PTPRT: variants seen among roughly 807,000 people sequenced by gnomAD.
The protein encoded by PTPRT is receptor-type tyrosine-protein phosphatase T.
In PTPRT, 56 loss-of-function variants were observed where a neutral mutation model predicts 176.8. That is an observed-to-expected ratio of 0.32 (90% CI 0.26 to 0.40). The LOEUF is 0.40. Ranked by LOEUF, PTPRT falls within the 10% of genes least tolerant of loss-of-function variation. The pLI is 1.00. For synonymous variants in PTPRT, 783 were observed against 739.0 expected (o/e 1.06, Z -0.96); for missense variants, 1,540 against 1,908.2 (o/e 0.81, Z 3.60).
At chr20:42,838,178 C>G (rs1057215849) in intron 2 of PTPRT, among the ~76,000 whole-genome samples, 1 of 152,126 alleles carries the variant, frequency 6.6e-6, no homozygotes, top group African/African-American at 2.4e-5. Flanking sequence ...AAGTGCCCAC[C>G]ACCACGCCCT....
At chr20:42,444,106 TC>T (rs2059342079) in intron 9 of PTPRT, among the ~76,000 whole-genome samples, 1 of 152,066 alleles carries the variant, frequency 6.6e-6, no homozygotes. Context: ...ACCCACCCTT[TC>T]CCCCACACAG....
chr20:43,121,470 C>T (rs79364794), intron 1 of PTPRT, among the ~76,000 whole-genome samples: 1,864 of 152,228 alleles, frequency 0.012, 16 homozygotes, highest in East Asian at 0.041. Context: ...TGCTCCACAT[C>T]CTTACCAACA....
intron 2 of PTPRT, among the ~76,000 whole-genome samples, chr20:42,872,828 T>G (rs1166933730): frequency 1.3e-5 from 2 of 152,038 alleles, no homozygotes; most frequent in Non-Finnish European, 2.9e-5. Context: ...CAGAAGTGGG[T>G]GTAGGAAGCC....
intron 2 of PTPRT, among the ~76,000 whole-genome samples, chr20:42,876,468 G>A (rs1192443892): frequency 6.6e-6 from 1 of 152,046 alleles, no homozygotes; most frequent in Admixed American, 6.5e-5. Context: ...GCGAAGGAAG[G>A]GATCATCCCC....
At chr20:43,155,888 C>T (rs763379891) in intron 1 of PTPRT, among the ~76,000 whole-genome samples, 9 of 152,102 alleles carry the variant, frequency 5.9e-5, no homozygotes, top group Non-Finnish European at 8.8e-5. Flanking sequence ...AAATTAGCAG[C>T]CTGAGCCCTC....
intron 15 of PTPRT, among the ~76,000 whole-genome samples, chr20:42,217,304 C>T (rs1362581906): frequency 3.4e-5 from 5 of 147,400 alleles, no homozygotes; most frequent in African/African-American, 1.0e-4. Context: ...ACCTGAGAGG[C>T]GGGGAGGTTG....
chr20:43,182,996 A>C (rs1430204133), intron 1 of PTPRT, among the ~76,000 whole-genome samples: 1 of 152,206 alleles, frequency 6.6e-6, no homozygotes, highest in Non-Finnish European at 1.5e-5. Flanking sequence ...CAAAATATTC[A>C]GGGTAAAAGT....
chr20:43,052,137 T>C (rs1429780253), intron 1 of PTPRT, among the ~76,000 whole-genome samples: 1 of 152,240 alleles, frequency 6.6e-6, no homozygotes, highest in Non-Finnish European at 1.5e-5. Context: ...CCAATGTCCC[T>C]GAAGACAGCC....
At chr20:42,446,180 A>T (rs1000141625) in intron 9 of PTPRT, among the ~76,000 whole-genome samples, 1 of 152,194 alleles carries the variant, frequency 6.6e-6, no homozygotes, top group Non-Finnish European at 1.5e-5. Context: ...TAGTTTCCAA[A>T]TGCAGGTATG....
chr20:42,286,081 T>C (rs937500357), intron 12 of PTPRT, among the ~76,000 whole-genome samples: 1 of 151,824 alleles, frequency 6.6e-6, no homozygotes, highest in East Asian at 1.9e-4. Context: ...TGAAAGAAAT[T>C]GAAGGGAAAC....
chr20:42,516,169 G>A (rs541657927), intron 7 of PTPRT, among the ~76,000 whole-genome samples: 3 of 150,970 alleles, frequency 2.0e-5, no homozygotes, highest in Non-Finnish European at 4.4e-5. Context: ...ACGAGTTAGT[G>A]GGTGCAGCAC....
chr20:42,955,277 T>C (rs1981552685), intron 1 of PTPRT, among the ~76,000 whole-genome samples: 1 of 152,234 alleles, frequency 6.6e-6, no homozygotes, highest in African/African-American at 2.4e-5. Flanking sequence ...TCTAGGTTAC[T>C]GGCCAGTTAG....
intron 2 of PTPRT, among the ~76,000 whole-genome samples, chr20:42,869,216 C>A (rs577871123): frequency 6.6e-6 from 1 of 152,062 alleles, no homozygotes; most frequent in Non-Finnish European, 1.5e-5. Flanking sequence ...GGGCAATGTT[C>A]CATGGAGCCA....
At chr20:42,354,308 G>A (rs1338413643) in intron 9 of PTPRT, among the ~76,000 whole-genome samples, 1 of 152,084 alleles carries the variant, frequency 6.6e-6, no homozygotes, top group Non-Finnish European at 1.5e-5. Context: ...TATGAAACGC[G>A]CTTTTTTGTT....
chr20:43,015,329 C>T (rs552778553), intron 1 of PTPRT, among the ~76,000 whole-genome samples: 4 of 152,198 alleles, frequency 2.6e-5, no homozygotes, highest in Non-Finnish European at 4.4e-5. Flanking sequence ...CCTATCTTTT[C>T]GGCCAAACTT....
At chr20:42,144,607 G>C (rs7347118) in intron 17 of PTPRT, among the ~76,000 whole-genome samples, 1 of 152,160 alleles carries the variant, frequency 6.6e-6, no homozygotes, top group Non-Finnish European at 1.5e-5. Context: ...CAGGGAGGAC[G>C]GGCAGTTAAG....
rs1600604328 is a variant in PTPRT, at chr20:42,967,828, C to T, written c.89-81896G>A. ...CCCTCTCCAAGCCCACCCCCGCTAC[C>T]AGATGTCAGGAAGAAATTCCAAAAC... is the stretch of plus-strand genomic sequence containing the variant. On this transcript the variant is annotated intron_variant, in intron 1 of 30. Coordinates refer to ENST00000373187, the MANE Select transcript of PTPRT (RefSeq NM_007050.6). Among the ~76,000 whole-genome samples the T allele has an allele frequency of 2.0e-5, 3 of 152,036 alleles. No homozygotes were observed. The South Asian group carries it at 6.2e-4, about 32-fold the overall frequency.
At chr20:42,432,912 GCA>G (rs1461940257) in intron 9 of PTPRT, among the ~76,000 whole-genome samples, 2 of 152,088 alleles carry the variant, frequency 1.3e-5, no homozygotes. Flanking sequence ...ACTATCTTGG[GCA>G]CACTTTCTCA....
intron 1 of PTPRT, among the ~76,000 whole-genome samples, chr20:42,886,987 C>T (rs973819909): frequency 6.6e-6 from 1 of 152,178 alleles, no homozygotes; most frequent in Non-Finnish European, 1.5e-5. Context: ...ACAGCAGCCT[C>T]CTGGCTGGTC....
Sources: gnomAD v4.1 joint callset for allele counts (sites outside exome capture counted in the v4.1 genomes callset) on GRCh38, gnomAD v4.1.1 for gene constraint, MANE v1.5 for transcripts, NCBI Gene and HGNC (gene_info 2026-07-23, HGNC 2026-07-21) for gene names.